PCSK5: variants seen among roughly 807,000 people sequenced by gnomAD.
PCSK5 encodes the protein prohormone convertase 5.
Under a neutral mutation model 233.2 loss-of-function variants are expected in PCSK5, and 129 were observed. That is an observed-to-expected ratio of 0.55 (90% CI 0.48 to 0.64). PCSK5 has a LOEUF of 0.64. Among genes scored for constraint, PCSK5 ranks in the 30% least tolerant of loss-of-function variants. PCSK5 has a pLI of 0.00. For synonymous variants in PCSK5, 825 were observed against 879.2 expected (o/e 0.94, Z 1.09); for missense variants, 2,076 against 2,430.1 (o/e 0.85, Z 3.06).
chr9:76,227,394 T>C (rs1263847101), intron 20 of PCSK5, 109 bp from the exon 21 acceptor site: 2 of 727,280 alleles, frequency 2.7e-6, no homozygotes, highest in South Asian at 3.3e-5. Context: ...CTCTCTGTGT[T>C]GTCTGCATTG....
At chr9:76,278,680 T>A (rs1025733754) in intron 24 of PCSK5, among the ~76,000 whole-genome samples, 3 of 146,590 alleles carry the variant, frequency 2.0e-5, no homozygotes, top group Admixed American at 6.7e-5. Context: ...GCCATCTCTA[T>A]CTGTCTATCT....
chr9:76,108,579 C>T (rs1396698286), intron 9 of PCSK5, among the ~76,000 whole-genome samples: 3 of 152,116 alleles, frequency 2.0e-5, no homozygotes, highest in African/African-American at 7.2e-5. Flanking sequence ...ATGGTGAAAC[C>T]CCTTCTCTTC....
At chr9:76,350,982 G>T in intron 36 of PCSK5, 54 bp downstream of exon 36, 1 of 857,820 alleles carries the variant, frequency 1.2e-6, no homozygotes, top group Non-Finnish European at 1.9e-6. Flanking sequence ...GGAAACATGA[G>T]CTTACTTCCT....
intron 30 of PCSK5, among the ~76,000 whole-genome samples, chr9:76,320,465 C>CTTTTTTTTTTT (rs140154837): frequency 1.2e-4 from 12 of 102,018 alleles, no homozygotes; most frequent in Admixed American, 2.3e-4. Flanking sequence ...TACATTGTAG[C>CTTTTTTTTTTT]TTTTTTTTTT....
chr9:76,095,671 G>A (rs1831480287), intron 7 of PCSK5, among the ~76,000 whole-genome samples: 2 of 152,064 alleles, frequency 1.3e-5, no homozygotes, highest in South Asian at 4.1e-4. Flanking sequence ...TAAATAATTA[G>A]CCATTATTAT....
chr9:76,229,885 C>T (rs767958262), intron 21 of PCSK5, among the ~76,000 whole-genome samples: 38 of 152,152 alleles, frequency 2.5e-4, no homozygotes, highest in Non-Finnish European at 3.7e-4. Context: ...TGGTTCACTT[C>T]CTATGAAAAG....
chr9:76,350,813 T>A lies in PCSK5; in HGVS notation c.4967-15T>A, dbSNP rs753554872. On this transcript the variant is annotated splice_polypyrimidine_tract_variant and intron_variant, in intron 35 of 37. Transcript: ENST00000674117. ...CTAAGGTCAATCTCATAACTTAGAATGTTTTCTCTTTCAGGAAAAGGAGCG... is the reference window on the plus strand; with the variant it reads ...CTAAGGTCAATCTCATAACTTAGAAAGTTTTCTCTTTCAGGAAAAGGAGCG... The A allele has an allele frequency of 4.1e-6, 6 of 1,472,386 alleles. No individual in the cohort carries two copies. Among genetic ancestry groups the A allele is most frequent in the Non-Finnish European group, 4.7e-6 (5 of 1,053,096 alleles). The allele number at this position is 1,472,386 out of a possible 1,614,324, so 91.2% of individuals were successfully genotyped here.
At chr9:76,266,138 A>C (rs181143321) in intron 24 of PCSK5, among the ~76,000 whole-genome samples, 4 of 152,340 alleles carry the variant, frequency 2.6e-5, no homozygotes, top group Admixed American at 2.0e-4. Flanking sequence ...GCACTGGTTA[A>C]AGAAAGCACA....
At chr9:75,940,300 T>G (rs1379927946) in intron 2 of PCSK5, among the ~76,000 whole-genome samples, 1 of 152,274 alleles carries the variant, frequency 6.6e-6, no homozygotes, top group Non-Finnish European at 1.5e-5. Context: ...TTTAAATATT[T>G]GAAGCCTTTT....
chr9:75,956,500 CT>C (rs1825101060), intron 2 of PCSK5, among the ~76,000 whole-genome samples: 1 of 152,178 alleles, frequency 6.6e-6, no homozygotes, highest in Non-Finnish European at 1.5e-5. Context: ...TCTGGGTAGA[CT>C]TCCAACATCT....
chr9:76,269,816 T>C (rs963863239), intron 24 of PCSK5, among the ~76,000 whole-genome samples: 8 of 152,164 alleles, frequency 5.3e-5, no homozygotes, highest in Non-Finnish European at 1.2e-4. Flanking sequence ...TTTCCAAAAT[T>C]TGTGAAGTTT....
At chr9:76,176,591 T>C (rs755475387) in intron 14 of PCSK5, among the ~76,000 whole-genome samples, 4 of 152,224 alleles carry the variant, frequency 2.6e-5, no homozygotes, top group Non-Finnish European at 4.4e-5. Flanking sequence ...ATACAATCTT[T>C]CCATTTAAAA....
At chr9:75,923,437 A>G (rs1372425836) in intron 1 of PCSK5, among the ~76,000 whole-genome samples, 1 of 150,756 alleles carries the variant, frequency 6.6e-6, no homozygotes, top group African/African-American at 2.5e-5. Flanking sequence ...TGTTTTGAGA[A>G]TTAAGATCAA....
At chr9:76,314,329 G>C (rs1033452958) in intron 30 of PCSK5, among the ~76,000 whole-genome samples, 3 of 152,150 alleles carry the variant, frequency 2.0e-5, no homozygotes, top group Non-Finnish European at 4.4e-5. Flanking sequence ...ATGCCCTCCT[G>C]TTATGGGTAG....
chr9:75,972,839 G>A (rs1476207454), intron 2 of PCSK5, among the ~76,000 whole-genome samples: 1 of 152,148 alleles, frequency 6.6e-6, no homozygotes, highest in Admixed American at 6.5e-5. Context: ...TTTTAGTAAA[G>A]TGTTTGAATG....
intron 24 of PCSK5, among the ~76,000 whole-genome samples, chr9:76,269,839 G>A (rs1038545317): frequency 6.6e-6 from 1 of 152,204 alleles, no homozygotes; most frequent in Non-Finnish European, 1.5e-5. Flanking sequence ...AAAAGGTAGA[G>A]CAATAGGCCA....
At chr9:76,128,718 C>G (rs1822624662) in intron 9 of PCSK5, among the ~76,000 whole-genome samples, 1 of 152,128 alleles carries the variant, frequency 6.6e-6, no homozygotes, top group African/African-American at 2.4e-5. Flanking sequence ...AATATTTTCA[C>G]AATAAAACTT....
chr9:76,064,353 C>CG (rs1830179851), intron 5 of PCSK5, among the ~76,000 whole-genome samples: 1 of 97,480 alleles, frequency 1.0e-5, no homozygotes, highest in Non-Finnish European at 2.1e-5. Flanking sequence ...GCTGGCCGGG[C>CG]GGGGGGCTGA....
At chr9:75,914,859 G>A (rs1345055541) in intron 1 of PCSK5, among the ~76,000 whole-genome samples, 1 of 152,118 alleles carries the variant, frequency 6.6e-6, no homozygotes, top group East Asian at 1.9e-4. Context: ...AAATAATTCA[G>A]TTTTAGAGGT....
Sources: gnomAD v4.1 joint callset for allele counts (sites outside exome capture counted in the v4.1 genomes callset) on GRCh38, gnomAD v4.1.1 for gene constraint, MANE v1.5 for transcripts, NCBI Gene and HGNC (gene_info 2026-07-23, HGNC 2026-07-21) for gene names.